MTCL2: variants seen among roughly 807,000 people sequenced by gnomAD.
MTCL2 encodes microtubule cross-linking factor 2.
chr20:36,797,621 G>T, the MTCL2 span: 1 of 1,515,702 alleles, frequency 6.6e-7, no homozygotes, highest in South Asian at 1.2e-5. Context: ...AAGCTGGTAT[G>T]CAGGACCCTG....
chr20:36,798,651 G>A, the MTCL2 span, among the ~76,000 whole-genome samples: 1 of 152,224 alleles, frequency 6.6e-6, no homozygotes, highest in Non-Finnish European at 1.5e-5. Flanking sequence ...TTGCCTTAAG[G>A]TGGACCAAAC....
the MTCL2 span, among the ~76,000 whole-genome samples, chr20:36,810,706 T>TTCTTTCTCTCCCTC: frequency 1.6e-5 from 1 of 60,998 alleles, no homozygotes; most frequent in Non-Finnish European, 3.7e-5. Flanking sequence ...CCTCCCCTCC[T>TTCTTTCTCTCCCTC]TCTCTCTCTC....
At chr20:36,839,189 C>T in the MTCL2 span, 68 of 1,571,094 alleles carry the variant, frequency 4.3e-5, no homozygotes, top group Non-Finnish European at 5.7e-5. This position sits in a 1 kb window ranked among gnomAD's most constrained non-coding sequence, Gnocchi z 5.1. Context: ...CCCATCCCAG[C>T]AACAAGGGCA....
the MTCL2 span, among the ~76,000 whole-genome samples, chr20:36,846,181 G>A: frequency 1.3e-5 from 2 of 151,632 alleles, no homozygotes; most frequent in Admixed American, 6.6e-5. Context: ...ACTCCGGCCT[G>A]GGCAACAGAG....
At chr20:36,856,007 A>G in the MTCL2 span, among the ~76,000 whole-genome samples, 4 of 152,226 alleles carry the variant, frequency 2.6e-5, no homozygotes, top group East Asian at 7.8e-4. Context: ...TGCTGCAACA[A>G]GACCACTCCC....
At chr20:36,850,878 G>T in the MTCL2 span, among the ~76,000 whole-genome samples, 1 of 152,192 alleles carries the variant, frequency 6.6e-6, no homozygotes. Context: ...ACTACTCAGC[G>T]ATGAAAAGGA....
chr20:36,815,185 C>T, the MTCL2 span: 1 of 1,613,488 alleles, frequency 6.2e-7, no homozygotes, highest in East Asian at 2.2e-5. This position sits in a 1 kb window ranked among gnomAD's most constrained non-coding sequence, Gnocchi z 5.3. Context: ...CCCTGGGAGC[C>T]CAAGGGGGGC....
the MTCL2 span, among the ~76,000 whole-genome samples, chr20:36,857,424 C>T: frequency 6.6e-6 from 1 of 152,166 alleles, no homozygotes; most frequent in South Asian, 2.1e-4. Context: ...TGTCTGGAGG[C>T]GTGCTTCTGA....
chr20:36,840,980 C>T, the MTCL2 span, among the ~76,000 whole-genome samples: 1 of 151,820 alleles, frequency 6.6e-6, no homozygotes, highest in Non-Finnish European at 1.5e-5. Flanking sequence ...CAAGCTTCAC[C>T]AGGAAGATAC....
the MTCL2 span, chr20:36,815,954 G>A: frequency 6.2e-7 from 1 of 1,613,246 alleles, no homozygotes. The surrounding 1 kb of genome is among the most constrained non-coding windows in gnomAD (Gnocchi z 5.3). Flanking sequence ...GCGCGGAGAA[G>A]GCCAGGCGTG....
the MTCL2 span, among the ~76,000 whole-genome samples, chr20:36,805,245 C>T: frequency 7.9e-5 from 12 of 152,282 alleles, no homozygotes; most frequent in African/African-American, 1.7e-4. Context: ...CTCTCTGACC[C>T]GCTGCAGGCC....
chr20:36,842,273 T>A, the MTCL2 span, among the ~76,000 whole-genome samples: 1 of 152,228 alleles, frequency 6.6e-6, no homozygotes, highest in Non-Finnish European at 1.5e-5. Flanking sequence ...GATGCATGCA[T>A]GTTTAGTCAG....
chr20:36,815,754 G>C, the MTCL2 span: 1 of 1,591,086 alleles, frequency 6.3e-7, no homozygotes, highest in African/African-American at 1.3e-5. This position sits in a 1 kb window ranked among gnomAD's most constrained non-coding sequence, Gnocchi z 5.3. Context: ...GCTGAGCACA[G>C]AACAACTGTC....
At chr20:36,814,605 GGC>G in the MTCL2 span, among the ~76,000 whole-genome samples, 1 of 152,054 alleles carries the variant, frequency 6.6e-6, no homozygotes, top group African/African-American at 2.4e-5. Flanking sequence ...TAAAAATTAT[GGC>G]CAGGCACAGT....
chr20:36,861,656 G>T, the MTCL2 span, among the ~76,000 whole-genome samples: 1 of 152,288 alleles, frequency 6.6e-6, no homozygotes, highest in African/African-American at 2.4e-5. Context: ...GACAAGAGTC[G>T]GCAACATTTC....
the MTCL2 span, chr20:36,815,859 C>T: frequency 1.2e-6 from 2 of 1,602,944 alleles, no homozygotes; most frequent in Non-Finnish European, 1.7e-6. The surrounding 1 kb of genome is among the most constrained non-coding windows in gnomAD (Gnocchi z 5.3). Flanking sequence ...GGCAGAGGAG[C>T]GCCGCAGCAG....
At chr20:36,781,825 G>C in the MTCL2 span, 1 of 152,036 alleles carries the variant, frequency 6.6e-6, no homozygotes, top group African/African-American at 2.4e-5. Context: ...ATCCCCCGGG[G>C]AGGGCTGGTT....
At chr20:36,794,143 C>T in the MTCL2 span, 5 of 1,551,358 alleles carry the variant, frequency 3.2e-6, no homozygotes, top group Non-Finnish European at 4.4e-6. The surrounding 1 kb of genome is among the most constrained non-coding windows in gnomAD (Gnocchi z 5.4). Context: ...AGCCTCCGTC[C>T]AGGCGCTGCC....
the MTCL2 span, chr20:36,781,361 C>A: frequency 6.6e-6 from 1 of 152,034 alleles, no homozygotes; most frequent in African/African-American, 2.4e-5. Flanking sequence ...CATGGTGAAA[C>A]CCCGTCTCTA....
Sources: allele counts gnomAD v4.1 joint callset (sites outside exome capture counted in the v4.1 genomes callset), GRCh38; gene constraint gnomAD v4.1.1; non-coding constraint Gnocchi (gnomAD v3.1); transcripts MANE v1.5; gene names NCBI Gene and HGNC (gene_info 2026-07-23, HGNC 2026-07-21).